Variants in MET observed in about 807,000 individuals in gnomAD.
The protein encoded by MET is hepatocyte growth factor receptor.
Under a neutral mutation model 133.1 loss-of-function variants are expected in MET, and 48 were observed. That is an observed-to-expected ratio of 0.36 (90% CI 0.29 to 0.46). The LOEUF (loss-of-function observed/expected upper bound fraction) is 0.46. Among genes scored for constraint, MET ranks in the 20% least tolerant of loss-of-function variants. The pLI is 1.00. For synonymous variants in MET, 628 were observed against 616.5 expected, an observed-to-expected ratio of 1.02 and a Z score of -0.28; for missense variants, 1,442 against 1,695.9, an observed-to-expected ratio of 0.85 and a Z score of 2.63.
At chr7:116,791,943 C>T (rs910465948) in intron 19 of MET, among the ~76,000 whole-genome samples, 5 of 152,190 alleles carry the variant, frequency 3.3e-5, no homozygotes, top group African/African-American at 9.7e-5. Context: ...CATGAGCCAC[C>T]GGTGACACTT....
chr7:116,783,278 G>T (rs1301250920), intron 18 of MET, 26 bp from the exon 19 acceptor site: 6 of 1,613,746 alleles, frequency 3.7e-6, no homozygotes, highest in Middle Eastern at 1.6e-4. Context: ...TTCAGCCACG[G>T]GTAATAATTT....
rs2116939518 is a variant in MET, at chr7:116,759,504, G to A, written c.2364+14G>A. 6.2e-7 allele frequency: 1 copy of A among 1,610,286 alleles called. No individual in the cohort carries two copies. The highest frequency in any genetic ancestry group is 8.5e-7 in the Non-Finnish European group (1 of 1,178,172). On this transcript the variant is annotated intron_variant, in intron 10 of 20. Coordinates refer to ENST00000397752, the MANE Select transcript of MET (RefSeq NM_000245.4). ...AACTTTACAGTGGTAAGTCCTTTGA[G>A]CAATGGTTCTACTCAGAGCTCTGCA...
intron 1 of MET, among the ~76,000 whole-genome samples, chr7:116,677,589 G>C (rs1029905895): frequency 5.3e-5 from 8 of 152,326 alleles, no homozygotes; most frequent in African/African-American, 1.9e-4. Flanking sequence ...ACACCATACA[G>C]CTTACAGTGG....
chr7:116,722,883 A>T (rs1211466502), intron 2 of MET, among the ~76,000 whole-genome samples: 3 of 149,294 alleles, frequency 2.0e-5, no homozygotes, highest in Non-Finnish European at 4.5e-5. Context: ...CTTTGAGGGT[A>T]ACCCGACCTT....
At chr7:116,676,601 A>G (rs1474325414) in intron 1 of MET, among the ~76,000 whole-genome samples, 1 of 152,212 alleles carries the variant, frequency 6.6e-6, no homozygotes, top group Admixed American at 6.5e-5. Context: ...AATGGAAAAG[A>G]GAATAGTGAC....
In MET at chr7:116,753,879, T is replaced by C. The variant is rs550757726; in HGVS notation, c.1702-1476T>C. Among the ~76,000 whole-genome samples the C allele has an allele frequency of 3.3e-5, 5 of 152,340 alleles. No homozygotes were observed. In the South Asian group the frequency reaches 1.0e-3, roughly 32 times the overall value. ...AACTAATAGGTAAAAAGAAGTAGAT[T>C]CACTTTTCATTTGTTAGTGCCTGGT... On this transcript the variant is annotated intron_variant, in intron 5 of 20. Coordinates refer to ENST00000397752, the MANE Select transcript of MET (RefSeq NM_000245.4).
At chr7:116,745,087 G>C (rs1793615904) in intron 5 of MET, among the ~76,000 whole-genome samples, 2 of 152,140 alleles carry the variant, frequency 1.3e-5, no homozygotes, top group Admixed American at 6.5e-5. Flanking sequence ...AAAGTCTCAG[G>C]ATACAAATTC....
intron 17 of MET, among the ~76,000 whole-genome samples, 169 bp downstream of exon 17, chr7:116,779,126 G>A (rs1479691783): frequency 6.6e-6 from 1 of 152,166 alleles, no homozygotes; most frequent in Non-Finnish European, 1.5e-5. Context: ...GGGAAATAGT[G>A]ACACCTGGAA....
chr7:116,687,278 AT>A (rs1460328831), intron 1 of MET, among the ~76,000 whole-genome samples: 2 of 152,084 alleles, frequency 1.3e-5, no homozygotes, highest in African/African-American at 4.8e-5. Context: ...TGCTTTATTG[AT>A]TTTTCAAGGA....
chr7:116,783,763 G>A (rs1001834380), intron 19 of MET, among the ~76,000 whole-genome samples: 2 of 152,236 alleles, frequency 1.3e-5, no homozygotes, highest in Non-Finnish European at 2.9e-5. Context: ...GAAGAGATGA[G>A]ATGGTCAACA....
Position 116,755,359 on chromosome 7 carries a change from T to C in MET, c.1706T>C (p.Phe569Ser), listed in dbSNP as rs778626291. The C allele has an allele frequency of 3.7e-6, 6 of 1,614,144 alleles. No individual in the cohort carries two copies. The South Asian group carries it at 6.6e-5, about 18-fold the overall frequency. Residue 569 changes from phenylalanine to serine, a missense_variant, in exon 6 of 21, where the codon TTC (phenylalanine) becomes TCC (serine). Around this residue, in one of 6 missense-constraint regions of MET, gnomAD observed 762 missense variants for 792.4 expected, o/e 0.96. Coordinates refer to ENST00000397752, the MANE Select transcript of MET (RefSeq NM_000245.4). ...AGTTCTATGTTGTCCTTGTAGGTTT[T>C]CCCAAATAGTGCACCCCTTGAAGGA... ...QICLPAIYKV[F>S]PNSAPLEGGT...
Position 116,771,519 on chromosome 7 carries a change from A to G in MET, c.2752A>G (p.Thr918Ala), listed in dbSNP as rs746865243. ...TTAGTGGAAGCAAGCAATTTCTTCAACCGTCCTTGGAAAAGTAATAGTTCA... is the reference window on the plus strand; with the variant it reads ...TTAGTGGAAGCAAGCAATTTCTTCAGCCGTCCTTGGAAAAGTAATAGTTCA... Reference protein sequence around the residue: ...NIEWKQAISSTVLGKVIVQPD... With the variant: ...NIEWKQAISSAVLGKVIVQPD... Residue 918 changes from threonine (T) to alanine (A), a missense_variant, in exon 13 of 21, where the codon ACC (threonine) becomes GCC (alanine). Thr to Ala is a moderately conservative substitution (Grantham distance 58). Around this residue, in one of 6 missense-constraint regions of MET, gnomAD observed 514 missense variants for 659.6 expected, o/e 0.78. Coordinates refer to ENST00000397752, the MANE Select transcript of MET (RefSeq NM_000245.4). 3 of 1,613,850 alleles carry G rather than the reference A, an allele frequency of 1.9e-6. No homozygotes were observed. The highest frequency in any genetic ancestry group is 2.2e-5 in the East Asian group (1 of 44,874).
At chr7:116,787,881 C>T (rs561178266) in intron 19 of MET, among the ~76,000 whole-genome samples, 1 of 152,194 alleles carries the variant, frequency 6.6e-6, no homozygotes, top group Admixed American at 6.5e-5. Context: ...CATGAATGAT[C>T]ACAGTAGTTT....
intron 11 of MET, among the ~76,000 whole-genome samples, chr7:116,766,520 C>T (rs1416195665): frequency 1.3e-5 from 2 of 152,138 alleles, no homozygotes; most frequent in Non-Finnish European, 2.9e-5. Flanking sequence ...AGATGTTGTC[C>T]TTCTCCCTTT....
chr7:116,765,117 T>C (rs1001760551), intron 11 of MET, among the ~76,000 whole-genome samples: 1 of 151,602 alleles, frequency 6.6e-6, no homozygotes, highest in Admixed American at 6.6e-5. Context: ...CTGGCCAAAA[T>C]GGTGAAACCC....
At chr7:116,723,823 G>A (rs1792608977) in intron 2 of MET, among the ~76,000 whole-genome samples, 2 of 152,228 alleles carry the variant, frequency 1.3e-5, no homozygotes, top group Admixed American at 6.5e-5. Context: ...ACCCACTTGA[G>A]GAGGCAGTCT....
In MET at chr7:116,699,173, T is replaced by C; in HGVS notation, c.89T>C (p.Leu30Pro). ...AGCAATGGGGAGTGTAAAGAGGCAC[T>C]AGCAAAGTCCGAGATGAATGTGAAT... ...QRSNGECKEA[L>P]AKSEMNVNMK... Residue 30 changes from leucine (L) to proline (P), a missense_variant, in exon 2 of 21, where the codon CTA becomes CCA. Leu to Pro is a moderately conservative substitution (Grantham distance 98). This residue lies in a region of MET where 762 missense variants were observed against 792.4 expected (regional missense o/e 0.96). Coordinates refer to ENST00000397752, the MANE Select transcript of MET (RefSeq NM_000245.4). The C allele has an allele frequency of 6.2e-7, 1 of 1,613,952 alleles. No homozygotes were observed. Among genetic ancestry groups the C allele is most frequent in the Non-Finnish European group, 8.5e-7 (1 of 1,179,900 alleles).
chr7:116,716,963 C>T (rs1047990709), intron 2 of MET, among the ~76,000 whole-genome samples: 2 of 152,184 alleles, frequency 1.3e-5, no homozygotes, highest in African/African-American at 2.4e-5. Flanking sequence ...TTTGCCCCCC[C>T]CAGCTTTGCT....
intron 1 of MET, among the ~76,000 whole-genome samples, chr7:116,692,391 C>T (rs1796807376): frequency 6.6e-6 from 1 of 152,180 alleles, no homozygotes; most frequent in Non-Finnish European, 1.5e-5. Flanking sequence ...GAAACTTATT[C>T]TATTGCCTCT....
Sources: gnomAD v4.1 joint callset for allele counts (sites outside exome capture counted in the v4.1 genomes callset) on GRCh38, gnomAD v4.1.1 for gene constraint, gnomAD v4.1.1 regional missense constraint, MANE v1.5 for transcripts, NCBI Gene and HGNC (gene_info 2026-07-23, HGNC 2026-07-21) for gene names.